The following NIPAL2 variants were observed in gnomAD, a reference collection of about 807,000 sequenced individuals.
NIPAL2 encodes the protein NIPA like domain containing 2, also known as NIPA-like protein 2.
NIPAL2 carries 43 observed loss-of-function variants against 48.9 expected under a neutral mutation model. That is an observed-to-expected ratio of 0.88 (90% CI 0.69 to 1.13). NIPAL2 has a LOEUF of 1.13. Ranked by LOEUF, NIPAL2 falls within the 50% of genes most tolerant of loss-of-function variation. The pLI is 0.00. For missense variants in NIPAL2, 446 were observed against 461.4 expected (o/e 0.97, Z 0.31); for synonymous variants, 167 against 174.6 (o/e 0.96, Z 0.34).
At chr8:98,268,240 T>C in intron 1 of NIPAL2, among the ~76,000 whole-genome samples, 1 of 152,164 alleles carries the variant, frequency 6.6e-6, no homozygotes, top group East Asian at 1.9e-4. Flanking sequence ...ATACTTATGA[T>C]GCATTTTTTT....
In NIPAL2 at chr8:98,193,030, G is replaced by A; in HGVS notation, c.1100C>T (p.Pro367Leu). 11 of 1,614,080 alleles carry A rather than the reference G, an allele frequency of 6.8e-6. No homozygotes were observed. Among genetic ancestry groups the A allele is most frequent in the Non-Finnish European group, 9.3e-6 (11 of 1,180,008 alleles). The change falls in exon 11 of 11, where the codon CCT becomes CTT. Residue 367 changes from proline to leucine, a missense_variant. Physicochemically the swap from Pro to Leu is moderately conservative, Grantham distance 98. Transcript: ENST00000430223. ...GCTCTTTGTTGAGTCACTTCCATCAGGCAAAGTTCCATAGGATAAGCTATG... is the reference window on the plus strand; with the variant it reads ...GCTCTTTGTTGAGTCACTTCCATCAAGCAAAGTTCCATAGGATAAGCTATG... ...DSHSLSYGTLPDGSDSTKSQS... is the reference protein window; with the variant it reads ...DSHSLSYGTLLDGSDSTKSQS...
intron 1 of NIPAL2, among the ~76,000 whole-genome samples, chr8:98,281,016 G>A (rs960790185): frequency 2.0e-5 from 3 of 151,826 alleles, no homozygotes; most frequent in Non-Finnish European, 4.4e-5. Context: ...GAGAAGAAAT[G>A]AAAAGGAAGC....
At chr8:98,259,364 C>T (rs1193301827) in intron 1 of NIPAL2, among the ~76,000 whole-genome samples, 5 of 152,128 alleles carry the variant, frequency 3.3e-5, no homozygotes, top group East Asian at 1.9e-4. Flanking sequence ...CGTGAGCCAC[C>T]GCACCCGGCC....
intron 6 of NIPAL2, among the ~76,000 whole-genome samples, chr8:98,207,644 G>A (rs1324774432): frequency 1.3e-5 from 2 of 152,072 alleles, no homozygotes; most frequent in Non-Finnish European, 2.9e-5. Context: ...TTTGGAAAAT[G>A]TGGGAAAGCC....
At chr8:98,206,326 A>ATATATATG (rs778830626) in intron 6 of NIPAL2, among the ~76,000 whole-genome samples, 103 of 151,298 alleles carry the variant, frequency 6.8e-4, no homozygotes, top group Middle Eastern at 3.4e-3. Context: ...GTATATATAT[A>ATATATATG]TATGTATGTA....
intron 4 of NIPAL2, among the ~76,000 whole-genome samples, chr8:98,228,870 A>G (rs1171772760): frequency 6.6e-6 from 1 of 152,240 alleles, no homozygotes; most frequent in African/African-American, 2.4e-5. Flanking sequence ...ATGCCTAGCA[A>G]AGACTTCTTG....
rs1245056256 is a variant in NIPAL2, at chr8:98,193,365, C to T, written c.1040-275G>A. ...ATCAGGTGGGTTTAGTCTGGAGATT[C>T]ACATGAAGCATTCACTCACCTCCAA... On this transcript the variant is annotated intron_variant, in intron 10 of 10. Coordinates refer to ENST00000430223, the MANE Select transcript of NIPAL2 (RefSeq NM_001321635.2). The T allele has an allele frequency of 4.3e-6, 7 of 1,613,758 alleles. 1 individual carries two copies. In the South Asian group the frequency reaches 7.7e-5, roughly 18 times the overall value.
intron 1 of NIPAL2, among the ~76,000 whole-genome samples, chr8:98,268,647 GA>G (rs145834761): frequency 0.013 from 1,927 of 149,172 alleles, 37 homozygotes; most frequent in African/African-American, 0.045. Context: ...CAAGAAGAAA[GA>G]AAAAAACCCC....
At chr8:98,286,149 A>G (rs915176136) in intron 1 of NIPAL2, among the ~76,000 whole-genome samples, 5 of 152,118 alleles carry the variant, frequency 3.3e-5, no homozygotes, top group African/African-American at 1.2e-4. Context: ...CCCTCATGTT[A>G]TGACACAGCA....
At chr8:98,272,739 C>G (rs898220605) in intron 1 of NIPAL2, among the ~76,000 whole-genome samples, 1 of 151,754 alleles carries the variant, frequency 6.6e-6, no homozygotes, top group Admixed American at 6.6e-5. Flanking sequence ...CTCAGGCTCC[C>G]GAGTAACTGT....
Position 98,242,489 on chromosome 8 carries a change from T to TTTTTTGTTTTTG in NIPAL2, c.377-6276_377-6275insCAAAAACAAAAA, listed in dbSNP as rs1491319235. Among the ~76,000 whole-genome samples the TTTTTTGTTTTTG allele has an allele frequency of 1.1e-3, 15 of 14,102 alleles. No individual in the cohort carries two copies. In the South Asian group the frequency reaches 0.014, roughly 13 times the overall value. 9.3% of individuals were successfully genotyped at this position (14,102 alleles called of 152,430 possible). A position where few individuals can be genotyped will look rare whatever the true frequency, so the allele number is the denominator to read the frequency against. On this transcript the variant is annotated intron_variant, in intron 3 of 10. Transcript: ENST00000430223. ...GGCAAAAGCCACTGCACCTGACAGA[T>TTTTTTGTTTTTG]TTTTTTTTTTTTTTTTTTAACTGAG...
intron 1 of NIPAL2, among the ~76,000 whole-genome samples, chr8:98,288,177 C>A (rs1185068090): frequency 1.3e-5 from 2 of 149,382 alleles, no homozygotes; most frequent in Non-Finnish European, 3.0e-5. Context: ...TCTCCCAATG[C>A]TATCCTTCTC....
At chr8:98,279,639 C>T (rs1258411651) in intron 1 of NIPAL2, among the ~76,000 whole-genome samples, 5 of 152,204 alleles carry the variant, frequency 3.3e-5, no homozygotes, top group East Asian at 1.9e-4. Flanking sequence ...CAGGTCAAGT[C>T]TGAATCACTA....
At chr8:98,242,830 T>C (rs996864952) in intron 3 of NIPAL2, among the ~76,000 whole-genome samples, 2 of 152,124 alleles carry the variant, frequency 1.3e-5, no homozygotes, top group African/African-American at 2.4e-5. Flanking sequence ...GTCGATGAGA[T>C]GATAAATATG....
chr8:98,261,436 A>T (rs1181753676), intron 1 of NIPAL2, among the ~76,000 whole-genome samples: 20 of 146,286 alleles, frequency 1.4e-4, no homozygotes, highest in Non-Finnish European at 1.5e-4. Flanking sequence ...TGCTTAAAGG[A>T]GCTGATGGAG....
chr8:98,255,579 G>A (rs920689227), intron 1 of NIPAL2, among the ~76,000 whole-genome samples: 59 of 152,198 alleles, frequency 3.9e-4, no homozygotes, highest in Non-Finnish European at 6.3e-4. Flanking sequence ...AGTAAAAAGT[G>A]GAAAACTCAT....
chr8:98,220,972 T>C (rs1416193491), intron 5 of NIPAL2, among the ~76,000 whole-genome samples: 1 of 116,768 alleles, frequency 8.6e-6, no homozygotes, highest in East Asian at 2.1e-4. Flanking sequence ...TTCTTTTTTT[T>C]TTTTTTTTTT....
intron 5 of NIPAL2, among the ~76,000 whole-genome samples, chr8:98,216,785 G>T (rs917170343): frequency 1.3e-5 from 2 of 152,196 alleles, no homozygotes; most frequent in African/African-American, 4.8e-5. Flanking sequence ...CCATGACCAA[G>T]CCTGCCAAAG....
At chr8:98,286,148 TA>T in intron 1 of NIPAL2, among the ~76,000 whole-genome samples, 2 of 152,300 alleles carry the variant, frequency 1.3e-5, no homozygotes, top group Admixed American at 1.3e-4. Context: ...TCCCTCATGT[TA>T]TGACACAGCA....
Sources: gnomAD v4.1 joint callset for allele counts (sites outside exome capture counted in the v4.1 genomes callset) on GRCh38, gnomAD v4.1.1 for gene constraint, MANE v1.5 for transcripts, NCBI Gene and HGNC (gene_info 2026-07-23, HGNC 2026-07-21) for gene names.